Variants in ADHFE1 observed in about 807,000 individuals in gnomAD.
ADHFE1 encodes hydroxyacid-oxoacid transhydrogenase, mitochondrial.
Under a neutral mutation model 54.8 loss-of-function variants are expected in ADHFE1, and 37 were observed. That is an observed-to-expected ratio of 0.68 (90% CI 0.52 to 0.89). ADHFE1 has a LOEUF of 0.89. ADHFE1 is among the 40% of genes least tolerant of loss of function. The pLI, the probability that ADHFE1 is intolerant of heterozygous loss-of-function variation, is 0.00. For synonymous variants in ADHFE1, 203 were observed against 229.3 expected (o/e 0.89, Z 1.04); for missense variants, 601 against 591.2 (o/e 1.02, Z -0.17).
chr8:66,468,518 G>A lies in ADHFE1; in HGVS notation c.*166G>A, dbSNP rs896978741. Reference sequence around the variant, plus strand: ...GAAATTCCCCAAAGCTCAGAGTCCAGTTCCTTCCATAAAACAGGCTGGACA... The same window carrying A: ...GAAATTCCCCAAAGCTCAGAGTCCAATTCCTTCCATAAAACAGGCTGGACA... On this transcript the variant is annotated 3_prime_UTR_variant, in exon 14 of 14. Transcript: ENST00000396623. The A allele has an allele frequency of 6.4e-6, 3 of 469,760 alleles. No homozygotes were observed. Among genetic ancestry groups the A allele is most frequent in the Admixed American group, 4.4e-5 (1 of 22,974 alleles). The allele number at this position is 469,760 out of a possible 1,614,324, so 29.1% of individuals were successfully genotyped here.
chr8:66,451,971 C>T lies in ADHFE1; in HGVS notation c.753C>T (p.Tyr251=), dbSNP rs1342634901. 1.2e-6 allele frequency: 2 copies of T among 1,614,014 alleles called. No individual in the cohort carries two copies. Among genetic ancestry groups the T allele is most frequent in the Admixed American group, 3.3e-5 (2 of 60,000 alleles). Residue 251 remains tyrosine, a synonymous_variant, in exon 9 of 14, where the codon TAC becomes TAT. Transcript: ENST00000396623. The part of the protein sequence containing the change: ...FDVLCHALES[Y]TTLPYHLRSP... ...TTTTTAGCCATGCCCTGGAGTCATA[C>T]ACCACCCTGCCCTACCACCTGCGGA...
intron 6 of ADHFE1, among the ~76,000 whole-genome samples, chr8:66,446,747 C>G (rs936009031): frequency 6.6e-6 from 1 of 152,152 alleles, no homozygotes; most frequent in Admixed American, 6.5e-5. Context: ...TAAACATGCA[C>G]GTATGTTAAT....
intron 8 of ADHFE1, 32 bp downstream of exon 8, chr8:66,449,002 T>G: frequency 6.4e-7 from 1 of 1,569,282 alleles, no homozygotes; most frequent in Admixed American, 1.7e-5. Flanking sequence ...AGGGGCTTTT[T>G]TAGTACTGGG....
At chr8:66,449,103 C>A in intron 8 of ADHFE1, 133 bp downstream of exon 8, 2 of 769,572 alleles carry the variant, frequency 2.6e-6, no homozygotes, top group East Asian at 2.7e-5. Context: ...GTCATTACCC[C>A]CTGTCCTAAA....
rs1458276151 is a variant in ADHFE1, at chr8:66,460,384, T to G, written c.1239T>G (p.Asp413Glu). The G allele has an allele frequency of 1.9e-6, 3 of 1,614,112 alleles. No homozygotes were observed. ...ACACGCTCCGGAAATTCTTATTCGA[T>G]CTGGATGTTGATGATGGCCTAGCAG... Reference protein sequence around the residue: ...LADTLRKFLFDLDVDDGLAAV... With the variant: ...LADTLRKFLFELDVDDGLAAV... Residue 413 changes from aspartate (D) to glutamate (E), a missense_variant, in exon 13 of 14, where the codon GAT (aspartate) becomes GAG (glutamate). Asp to Glu is a conservative substitution (Grantham distance 45). Coordinates refer to ENST00000396623, the MANE Select transcript of ADHFE1 (RefSeq NM_144650.3).
At chr8:66,464,588 G>T (rs1167078252) in intron 13 of ADHFE1, among the ~76,000 whole-genome samples, 1 of 152,086 alleles carries the variant, frequency 6.6e-6, no homozygotes, top group East Asian at 1.9e-4. Context: ...AAAATCTGCT[G>T]GGATGTGAAA....
At chr8:66,447,066 G>C (rs1806071640) in intron 6 of ADHFE1, among the ~76,000 whole-genome samples, 198 bp from the exon 7 acceptor site, 1 of 152,200 alleles carries the variant, frequency 6.6e-6, no homozygotes, top group East Asian at 1.9e-4. Context: ...CTCCATGTTA[G>C]ATTACATACA....
At chr8:66,459,608 T>A (rs1293050275) in intron 12 of ADHFE1, 1 of 151,886 alleles carries the variant, frequency 6.6e-6, no homozygotes, top group East Asian at 1.9e-4. Flanking sequence ...GTATCTTCTT[T>A]CATCAATACC....
Position 66,452,027 on chromosome 8 carries a change from C to T in ADHFE1, c.809C>T (p.Pro270Leu), listed in dbSNP as rs539961979. The change falls in exon 9 of 14, where the codon CCT (proline) becomes CTT (leucine). Residue 270 changes from proline to leucine, a missense_variant. Physicochemically the swap from Pro to Leu is moderately conservative, Grantham distance 98. Transcript: ENST00000396623. ...SPCPSNPITR[P>L]AYQGSNPISD... ...TGCCCTTCAAATCCCATCACACGGC[C>T]TGCGTACCAGGGCAGCAACCCAATC... 6.2e-6 allele frequency: 10 copies of T among 1,614,254 alleles called. No individual in the cohort carries two copies. The Admixed American group carries it at 1.7e-4, about 27-fold the overall frequency.
In ADHFE1 at chr8:66,460,366, C is replaced by T. The variant is rs1806833108; in HGVS notation, c.1221C>T (p.Leu407=). 2 of 1,614,174 alleles carry T rather than the reference C, an allele frequency of 1.2e-6. No individual in the cohort carries two copies. The highest frequency in any genetic ancestry group is 2.2e-5 in the East Asian group (1 of 44,890). ...CAGGGCTGGTGTTGGCAGACACGCT[C>T]CGGAAATTCTTATTCGATCTGGATG... The part of the protein sequence containing the change: ...QDAGLVLADT[L]RKFLFDLDVD... Residue 407 remains leucine, a synonymous_variant, in exon 13 of 14, where the codon CTC becomes CTT. Coordinates refer to ENST00000396623, the MANE Select transcript of ADHFE1 (RefSeq NM_144650.3).
chr8:66,453,866 A>G (rs1484662612), intron 9 of ADHFE1, 193 bp from the exon 10 acceptor site: 1 of 1,506,798 alleles, frequency 6.6e-7, no homozygotes, highest in Non-Finnish European at 8.9e-7. Flanking sequence ...TTGCTGAAAC[A>G]GTTGATGAGA....
At chr8:66,465,035 T>C (rs2130495931) in intron 13 of ADHFE1, among the ~76,000 whole-genome samples, 1 of 152,366 alleles carries the variant, frequency 6.6e-6, no homozygotes, top group Admixed American at 6.5e-5. Context: ...CGTTGTAGCA[T>C]GTGTCAGAAT....
intron 10 of ADHFE1, among the ~76,000 whole-genome samples, chr8:66,455,934 C>CA (rs57444701): frequency 0.024 from 3,678 of 151,768 alleles, 140 homozygotes; most frequent in African/African-American, 0.082. Flanking sequence ...GACCCTGTCT[C>CA]AAAAAAACCC....
At position 66,445,245 on chromosome 8, in the gene ADHFE1, A is replaced by G. The variant is rs763749708; in HGVS notation, c.381A>G (p.Gln127=). The change falls in exon 6 of 14, where the codon CAA becomes CAG. Residue 127 remains glutamine, a synonymous_variant. Transcript: ENST00000396623. ...SSFMEAIEFA[Q]KGAFDAYVAV... is the part of the protein sequence containing the mutation. Reference sequence around the variant, plus strand: ...TCATGGAAGCTATTGAGTTTGCCCAAAAGGGAGCTTTTGATGCCTATGTTG... The same window carrying G: ...TCATGGAAGCTATTGAGTTTGCCCAGAAGGGAGCTTTTGATGCCTATGTTG... 1 of 1,611,600 alleles carries G rather than the reference A, an allele frequency of 6.2e-7. No homozygotes were observed. The highest frequency in any genetic ancestry group is 8.5e-7 in the Non-Finnish European group (1 of 1,179,372).
chr8:66,466,205 A>G (rs1223643915), intron 13 of ADHFE1, among the ~76,000 whole-genome samples: 1 of 146,728 alleles, frequency 6.8e-6, no homozygotes, highest in East Asian at 2.0e-4. Flanking sequence ...AGTAGGTGGG[A>G]TTATAGCTGC....
intron 3 of ADHFE1, among the ~76,000 whole-genome samples, chr8:66,443,933 T>A (rs1805897303): frequency 6.6e-6 from 1 of 152,212 alleles, no homozygotes; most frequent in African/African-American, 2.4e-5. Flanking sequence ...CCGTAAACTT[T>A]ATGAGGCCCT....
intron 2 of ADHFE1, among the ~76,000 whole-genome samples, chr8:66,441,790 T>G (rs373985904): frequency 1.3e-5 from 2 of 151,868 alleles, no homozygotes; most frequent in East Asian, 1.9e-4. Context: ...AGGTCAGCAT[T>G]GTGAAACCCC....
intron 9 of ADHFE1, among the ~76,000 whole-genome samples, chr8:66,452,915 A>T (rs999175955): frequency 6.6e-6 from 1 of 152,226 alleles, no homozygotes; most frequent in African/African-American, 2.4e-5. Context: ...AATGGACAGA[A>T]CGGCCACAGG....
chr8:66,468,233 A>G (rs1471043746), intron 13 of ADHFE1, 36 bp from the exon 14 acceptor site: 11 of 1,554,212 alleles, frequency 7.1e-6, no homozygotes, highest in Non-Finnish European at 9.6e-6. Flanking sequence ...CTGCCTTTTC[A>G]AAGCCCTGGG....
Sources: gnomAD v4.1 joint callset for allele counts (sites outside exome capture counted in the v4.1 genomes callset) on GRCh38, gnomAD v4.1.1 for gene constraint, MANE v1.5 for transcripts, NCBI Gene and HGNC (gene_info 2026-07-23, HGNC 2026-07-21) for gene names.